The following VDAC1 variants were observed in gnomAD, a reference collection of about 807,000 sequenced individuals.
VDAC1 encodes non-selective voltage-gated ion channel VDAC1.
In VDAC1, 10 loss-of-function variants were observed where a neutral mutation model predicts 34.7. The observed-to-expected ratio is 0.29, with a 90% CI of 0.18 to 0.49. The LOEUF is 0.49. Ranked by LOEUF, VDAC1 falls within the 20% of genes least tolerant of loss-of-function variation. VDAC1 has a pLI of 0.99. For synonymous variants in VDAC1, 130 were observed against 136.0 expected (o/e 0.96, Z 0.30); for missense variants, 230 against 347.9 (o/e 0.66, Z 2.69).
the VDAC1 span, among the ~76,000 whole-genome samples, chr5:134,011,184 A>C: frequency 6.6e-6 from 1 of 152,042 alleles, no homozygotes; most frequent in Admixed American, 6.6e-5. Flanking sequence ...TTTTTAGTAG[A>C]GATGGGATTT....
chr5:134,086,125 G>A, the VDAC1 span, among the ~76,000 whole-genome samples: 1 of 152,198 alleles, frequency 6.6e-6, no homozygotes, highest in East Asian at 1.9e-4. Flanking sequence ...GAACCCGGGA[G>A]GCAGAGGTTG....
chr5:134,014,674 T>C, the VDAC1 span, among the ~76,000 whole-genome samples: 1 of 152,164 alleles, frequency 6.6e-6, no homozygotes, highest in African/African-American at 2.4e-5. Flanking sequence ...AAGACCAGCC[T>C]AGCCAACATA....
the VDAC1 span, among the ~76,000 whole-genome samples, chr5:134,092,595 G>C: frequency 6.6e-6 from 1 of 151,392 alleles, no homozygotes; most frequent in Non-Finnish European, 1.5e-5. Context: ...AGAATCGCTT[G>C]AACCCAGGAG....
At chr5:133,997,693 G>A (rs1447939355) in intron 1 of VDAC1, among the ~76,000 whole-genome samples, 1 of 133,764 alleles carries the variant, frequency 7.5e-6, no homozygotes, top group Admixed American at 8.2e-5. Flanking sequence ...GGATGACAGA[G>A]CGAGACTGTC....
chr5:134,093,283 T>C, the VDAC1 span, among the ~76,000 whole-genome samples: 4 of 152,332 alleles, frequency 2.6e-5, no homozygotes, highest in East Asian at 7.7e-4. Flanking sequence ...AGTGCAGTTA[T>C]ATACTGATGT....
the VDAC1 span, among the ~76,000 whole-genome samples, chr5:134,039,163 T>C: frequency 6.6e-6 from 1 of 152,138 alleles, no homozygotes; most frequent in African/African-American, 2.4e-5. Context: ...CTCCCTTGCC[T>C]GTGGGCCAAG....
At chr5:134,046,218 C>T in the VDAC1 span, among the ~76,000 whole-genome samples, 10 of 151,828 alleles carry the variant, frequency 6.6e-5, no homozygotes, top group African/African-American at 1.2e-4. Flanking sequence ...TTAGTAGAGA[C>T]GGGGTTTCAT....
the VDAC1 span, among the ~76,000 whole-genome samples, chr5:134,110,086 C>T: frequency 6.6e-6 from 1 of 152,188 alleles, no homozygotes; most frequent in Non-Finnish European, 1.5e-5. Flanking sequence ...TCATCAGGAA[C>T]AATGGCTGGC....
In VDAC1 at chr5:133,972,610, C is replaced by CTG; in HGVS notation, c.*159_*160dup. The CTG allele has an allele frequency of 1.6e-6, 1 of 633,228 alleles. No individual in the cohort carries two copies. Among genetic ancestry groups the CTG allele is most frequent in the Non-Finnish European group, 2.7e-6 (1 of 373,106 alleles). 39.2% of individuals were successfully genotyped at this position (633,228 alleles called of 1,614,324 possible). Reference sequence around the variant, plus strand: ...TTGGAAATAGGTTTCTTCTGTACCTCTGGAAGGGTAACATCTTAAAGCTGA... The same window carrying CTG: ...TTGGAAATAGGTTTCTTCTGTACCTCTGTGGAAGGGTAACATCTTAAAGCTGA... On this transcript the variant is annotated 3_prime_UTR_variant, in exon 9 of 9. Coordinates refer to ENST00000265333, the MANE Select transcript of VDAC1 (RefSeq NM_003374.3).
At chr5:134,094,418 G>C in the VDAC1 span, among the ~76,000 whole-genome samples, 4 of 152,184 alleles carry the variant, frequency 2.6e-5, no homozygotes, top group African/African-American at 9.6e-5. Context: ...ACATGAAATG[G>C]CCGGGCGCGG....
At chr5:134,021,486 C>A in the VDAC1 span, among the ~76,000 whole-genome samples, 1 of 150,588 alleles carries the variant, frequency 6.6e-6, no homozygotes, top group Non-Finnish European at 1.5e-5. Context: ...TGGTTTCCAG[C>A]TTCATCCATG....
At chr5:134,017,974 G>A in the VDAC1 span, among the ~76,000 whole-genome samples, 1 of 152,338 alleles carries the variant, frequency 6.6e-6, no homozygotes, top group African/African-American at 2.4e-5. Context: ...ATAAAGGCAG[G>A]TGACTGACGT....
At chr5:134,095,404 GC>G in the VDAC1 span, among the ~76,000 whole-genome samples, 1 of 151,960 alleles carries the variant, frequency 6.6e-6, no homozygotes, top group Non-Finnish European at 1.5e-5. Context: ...GATTGCTTGA[GC>G]CCAGGAGATT....
At chr5:134,045,798 C>T in the VDAC1 span, among the ~76,000 whole-genome samples, 1 of 151,986 alleles carries the variant, frequency 6.6e-6, no homozygotes, top group African/African-American at 2.4e-5. Context: ...GATTCTCCTG[C>T]CTCAGCCTCC....
the VDAC1 span, among the ~76,000 whole-genome samples, chr5:134,057,054 G>A: frequency 1.3e-5 from 2 of 152,198 alleles, no homozygotes; most frequent in Admixed American, 6.5e-5. Flanking sequence ...GTGTCTTTTG[G>A]CTGGGCACAG....
At chr5:134,036,516 C>G in the VDAC1 span, among the ~76,000 whole-genome samples, 1 of 151,842 alleles carries the variant, frequency 6.6e-6, no homozygotes, top group African/African-American at 2.4e-5. Flanking sequence ...AAACACCAAC[C>G]AGAAAAAAGG....
At chr5:134,058,712 T>C in the VDAC1 span, among the ~76,000 whole-genome samples, 1 of 151,772 alleles carries the variant, frequency 6.6e-6, no homozygotes, top group African/African-American at 2.4e-5. Flanking sequence ...CAGGGCCAGA[T>C]AGGGAACAGA....
the VDAC1 span, among the ~76,000 whole-genome samples, chr5:134,034,460 C>A: frequency 6.6e-6 from 1 of 152,080 alleles, no homozygotes; most frequent in Admixed American, 6.6e-5. Context: ...TGACACAGGC[C>A]CTGCCAAGGT....
chr5:134,064,508 T>C, the VDAC1 span, among the ~76,000 whole-genome samples: 4 of 152,172 alleles, frequency 2.6e-5, no homozygotes, highest in East Asian at 7.7e-4. Context: ...TTCACCATGT[T>C]GGCCAGGCTG....
Sources: gnomAD v4.1 joint callset for allele counts (sites outside exome capture counted in the v4.1 genomes callset) on GRCh38, gnomAD v4.1.1 for gene constraint, MANE v1.5 for transcripts, NCBI Gene and HGNC (gene_info 2026-07-23, HGNC 2026-07-21) for gene names.